The following GRIK2 variants were observed in gnomAD, a reference collection of about 807,000 sequenced individuals.
The protein encoded by GRIK2 is glutamate receptor ionotropic, kainate 2.
A neutral mutation model predicts 100.3 loss-of-function variants in GRIK2; 32 were observed. The ratio of observed to expected loss-of-function variants is 0.32; its 90% CI spans 0.24 to 0.43. The LOEUF (loss-of-function observed/expected upper bound fraction) is 0.43. Among genes scored for constraint, GRIK2 ranks in the 20% least tolerant of loss-of-function variants. GRIK2 has a pLI of 1.00. For synonymous variants in GRIK2, 417 were observed against 389.4 expected (o/e 1.07, Z -0.83); for missense variants, 843 against 1,114.9 (o/e 0.76, Z 3.47).
At chr6:101,869,706 C>T (rs1396952077) in intron 11 of GRIK2, among the ~76,000 whole-genome samples, 3 of 151,600 alleles carry the variant, frequency 2.0e-5, no homozygotes, top group Non-Finnish European at 2.9e-5. Context: ...TGCCTTTTTT[C>T]GAATAGGCAA....
intron 2 of GRIK2, among the ~76,000 whole-genome samples, chr6:101,529,365 C>T (rs1462786433): frequency 6.6e-6 from 1 of 152,050 alleles, no homozygotes; most frequent in Non-Finnish European, 1.5e-5. Context: ...GCTCACCACT[C>T]ATTAATTGCT....
At chr6:101,907,586 T>C (rs1051813792) in intron 12 of GRIK2, among the ~76,000 whole-genome samples, 1 of 151,748 alleles carries the variant, frequency 6.6e-6, no homozygotes, top group Non-Finnish European at 1.5e-5. Context: ...CTTTCACAAC[T>C]GTAAGTAAAG....
At chr6:101,455,684 T>C (rs1276753087) in intron 2 of GRIK2, among the ~76,000 whole-genome samples, 2 of 152,078 alleles carry the variant, frequency 1.3e-5, no homozygotes, top group African/African-American at 4.8e-5. Context: ...ACTTGGGTAA[T>C]ATAGGTAGAT....
At chr6:101,731,922 G>A (rs1775300030) in intron 7 of GRIK2, among the ~76,000 whole-genome samples, 1 of 151,780 alleles carries the variant, frequency 6.6e-6, no homozygotes, top group South Asian at 2.1e-4. Flanking sequence ...GTTTTCCTAG[G>A]AATTACAAAT....
intron 7 of GRIK2, among the ~76,000 whole-genome samples, chr6:101,724,092 A>G (rs1029794850): frequency 8.2e-6 from 1 of 121,994 alleles, no homozygotes; most frequent in Admixed American, 8.1e-5. Context: ...GTCATAGGGT[A>G]GTAGTTAATA....
At chr6:101,957,253 T>C (rs1191463762) in intron 14 of GRIK2, among the ~76,000 whole-genome samples, 1 of 57,478 alleles carries the variant, frequency 1.7e-5, no homozygotes, top group African/African-American at 7.1e-5. Context: ...TTTGTGCCGT[T>C]GAACATTTTT....
chr6:101,924,256 G>C (rs1372893350), intron 12 of GRIK2, among the ~76,000 whole-genome samples: 1 of 151,926 alleles, frequency 6.6e-6, no homozygotes, highest in Non-Finnish European at 1.5e-5. Context: ...AACTAAGTTT[G>C]TTTTCTACTT....
chr6:101,555,544 A>G (rs1470427828), intron 2 of GRIK2, among the ~76,000 whole-genome samples: 1 of 152,228 alleles, frequency 6.6e-6, no homozygotes, highest in Non-Finnish European at 1.5e-5. Context: ...AAAGGCACAT[A>G]TAGAATTTAA....
chr6:101,939,716 A>T (rs1008811678), intron 14 of GRIK2, among the ~76,000 whole-genome samples: 1 of 152,096 alleles, frequency 6.6e-6, no homozygotes, highest in Non-Finnish European at 1.5e-5. Context: ...GTGGGACTTT[A>T]AATATATCAA....
At chr6:101,860,130 T>C (rs1013817919) in intron 11 of GRIK2, among the ~76,000 whole-genome samples, 2 of 152,118 alleles carry the variant, frequency 1.3e-5, no homozygotes, top group Non-Finnish European at 2.9e-5. Flanking sequence ...TTCATTATGA[T>C]CTAAACAAGA....
At chr6:101,927,438 C>G (rs1789972970) in intron 13 of GRIK2, 1 of 163,010 alleles carries the variant, frequency 6.1e-6, no homozygotes, top group East Asian at 1.9e-4. Flanking sequence ...TAAAAGTGAA[C>G]AGTAATATAT....
chr6:101,715,191 C>G (rs1488067263), intron 7 of GRIK2, among the ~76,000 whole-genome samples: 1 of 151,720 alleles, frequency 6.6e-6, no homozygotes, highest in African/African-American at 2.4e-5. Context: ...TTTATATTTG[C>G]TCACCTTTTT....
intron 14 of GRIK2, among the ~76,000 whole-genome samples, chr6:101,952,939 C>A (rs1228417541): frequency 6.6e-6 from 1 of 152,126 alleles, no homozygotes; most frequent in African/African-American, 2.4e-5. Context: ...AATCATTCCC[C>A]ATTTACTTAA....
At chr6:101,788,761 T>C (rs1779614130) in intron 7 of GRIK2, among the ~76,000 whole-genome samples, 1 of 152,186 alleles carries the variant, frequency 6.6e-6, no homozygotes, top group Non-Finnish European at 1.5e-5. Context: ...GTATTTCTAG[T>C]TCTAGGTCCC....
intron 7 of GRIK2, among the ~76,000 whole-genome samples, chr6:101,768,834 A>C (rs1400555276): frequency 6.6e-6 from 1 of 152,174 alleles, no homozygotes; most frequent in African/African-American, 2.4e-5. Context: ...GAGATTGTTA[A>C]AGAAAATTAA....
chr6:101,967,976 T>C (rs1358049891), intron 14 of GRIK2, among the ~76,000 whole-genome samples: 7 of 146,310 alleles, frequency 4.8e-5, no homozygotes, highest in Non-Finnish European at 3.0e-5. Context: ...AAAAAAGAAC[T>C]GGAGAGTCAG....
Position 101,626,584 on chromosome 6 carries a change from TGG to T in GRIK2, c.489_490del (p.Val164AlafsTer13). ...TCACTCAGCCGTGCCATTTTAGACCTGGTGCAGTTTTTCAAGTGGAAAACCGT... is the reference window on the plus strand; with the variant it reads ...TCACTCAGCCGTGCCATTTTAGACCTTGCAGTTTTTCAAGTGGAAAACCGT... On this transcript the variant is annotated frameshift_variant, in exon 4 of 17. Transcript: ENST00000369134. LOFTEE classifies it high-confidence loss of function. The T allele has an allele frequency of 6.2e-7, 1 of 1,613,888 alleles. No homozygotes were observed. The highest frequency in any genetic ancestry group is 8.5e-7 in the Non-Finnish European group (1 of 1,179,802).
chr6:101,662,291 CAG>C (rs1769685568), intron 4 of GRIK2, among the ~76,000 whole-genome samples: 1 of 152,180 alleles, frequency 6.6e-6, no homozygotes, highest in Admixed American at 6.5e-5. Flanking sequence ...AATAATGAAA[CAG>C]AAACACTAAG....
chr6:101,892,122 G>A (rs1355337257), intron 12 of GRIK2, among the ~76,000 whole-genome samples: 1 of 152,054 alleles, frequency 6.6e-6, no homozygotes, highest in African/African-American at 2.4e-5. Context: ...AGACGAAAGT[G>A]TCATGAGACA....
Sources: gnomAD v4.1 joint callset for allele counts (sites outside exome capture counted in the v4.1 genomes callset) on GRCh38, gnomAD v4.1.1 for gene constraint, MANE v1.5 for transcripts, NCBI Gene and HGNC (gene_info 2026-07-23, HGNC 2026-07-21) for gene names.